Variants in KCNH1 observed in about 807,000 individuals in gnomAD.
KCNH1 encodes potassium voltage-gated channel subfamily H member 1.
In KCNH1, 27 loss-of-function variants were observed where a neutral mutation model predicts 69.2. That is an observed-to-expected ratio of 0.39 (90% CI 0.29 to 0.54). The LOEUF is 0.54. Ranked by LOEUF, KCNH1 falls within the 20% of genes least tolerant of loss-of-function variation. KCNH1 has a pLI of 0.68. For missense variants in KCNH1, 798 were observed against 1,261.6 expected, an observed-to-expected ratio of 0.63 and a Z score of 5.57; for synonymous variants, 456 against 487.7, an observed-to-expected ratio of 0.93 and a Z score of 0.86.
intron 6 of KCNH1, among the ~76,000 whole-genome samples, chr1:211,017,088 C>A (rs921144079): frequency 1.3e-5 from 2 of 151,974 alleles, no homozygotes; most frequent in African/African-American, 4.8e-5. Flanking sequence ...TTTTAAAACC[C>A]ACCACACAGA....
At chr1:210,940,626 T>C (rs1687860266) in intron 6 of KCNH1, among the ~76,000 whole-genome samples, 3 of 152,276 alleles carry the variant, frequency 2.0e-5, no homozygotes, top group Admixed American at 2.0e-4. Context: ...TTTCTGTTTA[T>C]AATTCAAACC....
intron 9 of KCNH1, among the ~76,000 whole-genome samples, chr1:210,795,556 G>A (rs1263360893): frequency 6.6e-6 from 1 of 152,172 alleles, no homozygotes; most frequent in Non-Finnish European, 1.5e-5. Flanking sequence ...AAGAGAGTCA[G>A]TTGGCTTAGG....
At chr1:211,106,700 C>T (rs1484331764) in intron 2 of KCNH1, among the ~76,000 whole-genome samples, 11 of 151,472 alleles carry the variant, frequency 7.3e-5, no homozygotes, top group Admixed American at 7.2e-4. Flanking sequence ...GAGGCTGAAT[C>T]AGGAGAACTG....
At chr1:210,951,404 G>T (rs1052757673) in intron 6 of KCNH1, among the ~76,000 whole-genome samples, 5 of 152,222 alleles carry the variant, frequency 3.3e-5, no homozygotes, top group Admixed American at 3.3e-4. Flanking sequence ...CGTTCTTGAT[G>T]CTTTAGGAGC....
At chr1:210,997,485 A>T (rs1040817588) in intron 6 of KCNH1, among the ~76,000 whole-genome samples, 17 of 152,212 alleles carry the variant, frequency 1.1e-4, no homozygotes, top group Admixed American at 2.0e-4. Context: ...AGAAATGAAC[A>T]AAGCTTCCAA....
intron 10 of KCNH1, among the ~76,000 whole-genome samples, chr1:210,728,594 G>A (rs928945603): frequency 1.3e-5 from 2 of 152,180 alleles, no homozygotes; most frequent in African/African-American, 4.8e-5. Flanking sequence ...GGGACTGCTG[G>A]TTTGAGGTAT....
intron 5 of KCNH1, among the ~76,000 whole-genome samples, chr1:211,074,117 AC>A (rs1393225899): frequency 2.0e-5 from 3 of 150,006 alleles, no homozygotes; most frequent in African/African-American, 7.3e-5. Flanking sequence ...AAAAAAAAAA[AC>A]CTTAATACTG....
At chr1:210,861,449 C>T (rs1685976113) in intron 7 of KCNH1, 2 of 776,100 alleles carry the variant, frequency 2.6e-6, no homozygotes, top group Non-Finnish European at 4.8e-6. Context: ...ACTGCCAGAG[C>T]TTCCATATCT....
chr1:211,083,770 TA>T (rs1690903011), intron 4 of KCNH1, among the ~76,000 whole-genome samples: 1 of 152,246 alleles, frequency 6.6e-6, no homozygotes, highest in African/African-American at 2.4e-5. Context: ...TAGATGATTT[TA>T]TTTTTTTATA....
intron 10 of KCNH1, among the ~76,000 whole-genome samples, chr1:210,732,574 C>A (rs186791714): frequency 1.9e-3 from 291 of 152,312 alleles, no homozygotes; most frequent in Non-Finnish European, 3.1e-3. Context: ...ATCTTCATCA[C>A]AGAGGAGGCC....
chr1:210,824,954 A>G (rs1465176422), intron 7 of KCNH1, among the ~76,000 whole-genome samples: 1 of 152,228 alleles, frequency 6.6e-6, no homozygotes, highest in Admixed American at 6.5e-5. Flanking sequence ...TAAAAATCAC[A>G]TTTATTAAAA....
At chr1:210,968,608 C>G (rs988839549) in intron 6 of KCNH1, among the ~76,000 whole-genome samples, 3 of 151,530 alleles carry the variant, frequency 2.0e-5, no homozygotes, top group African/African-American at 7.3e-5. Context: ...TTGCATTTCT[C>G]TGATGGCCAG....
intron 7 of KCNH1, among the ~76,000 whole-genome samples, chr1:210,900,555 G>A (rs1686973893): frequency 6.6e-6 from 1 of 152,200 alleles, no homozygotes; most frequent in Non-Finnish European, 1.5e-5. Flanking sequence ...TTCTGGAACA[G>A]AACTCTGGGC....
chr1:210,831,363 T>C (rs936918947), intron 7 of KCNH1, among the ~76,000 whole-genome samples: 83 of 152,222 alleles, frequency 5.5e-4, no homozygotes, highest in Non-Finnish European at 8.8e-5. Flanking sequence ...ATTCTTTTAC[T>C]AGGCATAATT....
chr1:210,797,596 G>A lies in KCNH1; in HGVS notation c.1827C>T (p.Tyr609=). ...GGCTGTCAACGCTCTCTCCTGCATG[G>A]TAGATGAGGTCCCCTGGGGCACAGT... ...TVHCAPGDLI[Y]HAGESVDSLC... The change falls in exon 9 of 11, where the codon TAC becomes TAT. Residue 609 remains tyrosine, a synonymous_variant. Coordinates refer to ENST00000271751, the MANE Select transcript of KCNH1 (RefSeq NM_172362.3). The A allele has an allele frequency of 6.2e-7, 1 of 1,614,206 alleles. No homozygotes were observed. The highest frequency in any genetic ancestry group is 8.5e-7 in the Non-Finnish European group (1 of 1,180,028).
intron 7 of KCNH1, among the ~76,000 whole-genome samples, chr1:210,806,568 AT>A (rs1236856265): frequency 2.0e-5 from 3 of 149,444 alleles, no homozygotes; most frequent in East Asian, 2.0e-4. Flanking sequence ...CATTGTACTT[AT>A]TTTTTTTCTT....
intron 6 of KCNH1, among the ~76,000 whole-genome samples, chr1:210,954,004 C>T (rs1458771351): frequency 2.0e-5 from 3 of 152,164 alleles, no homozygotes; most frequent in African/African-American, 7.2e-5. Context: ...CCCATCAACT[C>T]GTCATTTACA....
intron 10 of KCNH1, among the ~76,000 whole-genome samples, chr1:210,718,659 C>T (rs879889808): frequency 0.06 from 3,198 of 53,048 alleles, 184 homozygotes; most frequent in Non-Finnish European, 0.073. Flanking sequence ...TATACACACA[C>T]ACACACACAC....
intron 3 of KCNH1, among the ~76,000 whole-genome samples, chr1:211,096,491 A>G (rs1156507509): frequency 6.6e-6 from 1 of 152,214 alleles, no homozygotes; most frequent in African/African-American, 2.4e-5. Flanking sequence ...TGTTTAACAA[A>G]ACCCTGAAAC....
Sources: allele counts gnomAD v4.1 joint callset (sites outside exome capture counted in the v4.1 genomes callset), GRCh38; gene constraint gnomAD v4.1.1; transcripts MANE v1.5; gene names NCBI Gene and HGNC (gene_info 2026-07-23, HGNC 2026-07-21).